PFKFB3: variants seen among roughly 807,000 people sequenced by gnomAD.
PFKFB3 encodes the protein 6-phosphofructo-2-kinase/fructose-2,6-biphosphatase 3.
PFKFB3 carries 33 observed loss-of-function variants against 68.0 expected under a neutral mutation model. The ratio of observed to expected loss-of-function variants is 0.49; its 90% CI spans 0.37 to 0.65. The LOEUF is 0.65. PFKFB3 is among the 30% of genes least tolerant of loss of function. PFKFB3 has a pLI of 0.00. For missense variants in PFKFB3, 586 were observed against 712.2 expected (o/e 0.82, Z 2.02); for synonymous variants, 315 against 288.2 (o/e 1.09, Z -0.94).
At chr10:6,315,344 T>C in the PFKFB3 span, among the ~76,000 whole-genome samples, 15 of 152,106 alleles carry the variant, frequency 9.9e-5, no homozygotes, top group Non-Finnish European at 1.9e-4. Context: ...CAAGAAGGAA[T>C]TCAGGACGAG....
chr10:6,293,772 C>A, the PFKFB3 span: 1 of 369,636 alleles, frequency 2.7e-6, no homozygotes, highest in South Asian at 2.7e-5. Flanking sequence ...GTTTGAGCAC[C>A]TTGTGCACTT....
At chr10:6,287,711 G>A in the PFKFB3 span, among the ~76,000 whole-genome samples, 1 of 152,044 alleles carries the variant, frequency 6.6e-6, no homozygotes, top group Non-Finnish European at 1.5e-5. Flanking sequence ...CCTCCCTCTT[G>A]TCCGTTATAT....
At chr10:6,158,717 G>A (rs118187655) in intron 1 of PFKFB3, among the ~76,000 whole-genome samples, 1,636 of 151,922 alleles carry the variant, frequency 0.011, 65 homozygotes, top group East Asian at 0.099. Context: ...AATACAAAAA[G>A]TCAGCCAGGC....
At chr10:6,206,530 C>T (rs1410435943) in intron 1 of PFKFB3, among the ~76,000 whole-genome samples, 8 of 124,512 alleles carry the variant, frequency 6.4e-5, no homozygotes, top group South Asian at 2.5e-4. Flanking sequence ...TAGGGGCGGC[C>T]GGGCAGAGGC....
chr10:6,200,667 GGGGGGGGGC>G, upstream of PFKFB3, among the ~76,000 whole-genome samples: 1 of 81,728 alleles, frequency 1.2e-5, no homozygotes, highest in African/African-American at 4.9e-5. Context: ...AGCGGGGGGG[GGGGGGGGGC>G]GGGGGGTGGT....
Position 6,210,485 on chromosome 10 carries a change from C to A in PFKFB3, c.77-3138C>A, listed in dbSNP as rs551472786. 3.5e-5 allele frequency among the ~76,000 whole-genome samples: 4 copies of A among 114,448 alleles called. 1 individual carries two copies. Among genetic ancestry groups the A allele is most frequent in the African/African-American group, 1.1e-4 (4 of 37,342 alleles). The allele number at this position is 114,448 out of a possible 152,430, so 75.1% of individuals were successfully genotyped here. A position where few individuals can be genotyped will look rare whatever the true frequency, so the allele number is the denominator to read the frequency against. On this transcript the variant is annotated intron_variant, in intron 1 of 14. Transcript: ENST00000379775. ...ACGCCATTCTCCTGCCTCAGCCTCC[C>A]GAGTAGCTGGGACTACAGGCGCCCG...
chr10:6,162,305 C>G (rs368841148), intron 1 of PFKFB3, among the ~76,000 whole-genome samples: 3 of 152,198 alleles, frequency 2.0e-5, no homozygotes, highest in African/African-American at 4.8e-5. Context: ...ATGGATTACT[C>G]TACCTTCTGG....
At chr10:6,161,747 C>T (rs1162961838) in intron 1 of PFKFB3, among the ~76,000 whole-genome samples, 1 of 152,128 alleles carries the variant, frequency 6.6e-6, no homozygotes, top group African/African-American at 2.4e-5. Context: ...ATCCTCCCAC[C>T]TCAGCCTCCC....
chr10:6,273,405 G>T, the PFKFB3 span, among the ~76,000 whole-genome samples: 1 of 152,100 alleles, frequency 6.6e-6, no homozygotes, highest in Admixed American at 6.5e-5. Flanking sequence ...CTCTTTAAGG[G>T]ATCCCCGCCG....
At chr10:6,172,233 A>G (rs1842337531) in intron 1 of PFKFB3, among the ~76,000 whole-genome samples, 1 of 152,106 alleles carries the variant, frequency 6.6e-6, no homozygotes, top group African/African-American at 2.4e-5. Flanking sequence ...CCACGTCGGG[A>G]GGGCAAGGTG....
the PFKFB3 span, among the ~76,000 whole-genome samples, chr10:6,321,914 A>G: frequency 6.6e-6 from 1 of 152,186 alleles, no homozygotes; most frequent in Non-Finnish European, 1.5e-5. Context: ...TTCTAAACAG[A>G]CATTCCCAGG....
chr10:6,159,159 C>T (rs548046527), intron 1 of PFKFB3, among the ~76,000 whole-genome samples: 12 of 152,206 alleles, frequency 7.9e-5, no homozygotes, highest in African/African-American at 1.4e-4. Context: ...CTTTGAGAGA[C>T]GGAGGTAGGC....
At chr10:6,211,486 T>C (rs1588489632) in intron 1 of PFKFB3, among the ~76,000 whole-genome samples, 1 of 152,130 alleles carries the variant, frequency 6.6e-6, no homozygotes, top group Admixed American at 6.6e-5. Flanking sequence ...AGTGGATGGG[T>C]ATTGTTTCCA....
chr10:6,231,167 A>T (rs915626049), intron 14 of PFKFB3: 1 of 929,196 alleles, frequency 1.1e-6, no homozygotes, highest in Non-Finnish European at 1.7e-6. Flanking sequence ...TTCATTTTTA[A>T]AATTTCAAAT....
chr10:6,215,455 G>GGGGCTGCA lies in PFKFB3; in HGVS notation c.299+140_299+141insGCTGCAGG, dbSNP rs201939832. On this transcript the variant is annotated intron_variant, in intron 3 of 14. Transcript: ENST00000379775. This position sits in a 1 kb window ranked among gnomAD's most constrained non-coding sequence, Gnocchi z 4.3. ...GAATAAGGCTGGGCTGCGGGGCTGCGGGTGTAAGGCTGGGCTGCGGGCTTG... is the reference window on the plus strand; with the variant it reads ...GAATAAGGCTGGGCTGCGGGGCTGCGGGGCTGCAGGTGTAAGGCTGGGCTGCGGGCTTG... The GGGGCTGCA allele has an allele frequency of 2.9e-6, 2 of 698,198 alleles. No homozygotes were observed. The highest frequency in any genetic ancestry group is 4.2e-5 in the Admixed American group (2 of 47,324). 43.3% of individuals were successfully genotyped at this position (698,198 alleles called of 1,614,324 possible).
At chr10:6,237,697 C>T (rs570957229), downstream of PFKFB3, among the ~76,000 whole-genome samples, 353 of 152,276 alleles carry the variant, frequency 2.3e-3, 2 homozygotes, top group African/African-American at 7.9e-3. Context: ...TCCCGAGTAG[C>T]TGGGACTACA....
Position 6,223,961 on chromosome 10 carries a change from A to C in PFKFB3, c.1217A>C (p.Glu406Ala). The C allele has an allele frequency of 6.2e-7, 1 of 1,613,776 alleles. No homozygotes were observed. The highest frequency in any genetic ancestry group is 1.7e-5 in the Admixed American group (1 of 60,022). ...GGGTGTACAATTTCAATTTCAGAGG[A>C]GATGCCCTACCTGAAATGCCCTCTT... ...LAYFLDKSAEEMPYLKCPLHT... is the reference protein window; with the variant it reads ...LAYFLDKSAEAMPYLKCPLHT... The change falls in exon 12 of 15, where the codon GAG (glutamate) becomes GCG (alanine). Residue 406 changes from glutamate to alanine, a missense_variant. Coordinates refer to ENST00000379775, the MANE Select transcript of PFKFB3 (RefSeq NM_004566.4).
chr10:6,162,644 C>T (rs117962896), intron 1 of PFKFB3, among the ~76,000 whole-genome samples: 1,651 of 152,268 alleles, frequency 0.011, 68 homozygotes, highest in East Asian at 0.1. Flanking sequence ...AAAATTATGA[C>T]TGCATGTGTT....
chr10:6,171,375 C>A (rs180767256), intron 1 of PFKFB3, among the ~76,000 whole-genome samples: 111 of 151,820 alleles, frequency 7.3e-4, no homozygotes, highest in African/African-American at 2.5e-3. Context: ...ATTTTTAACT[C>A]ATCTTTTAAA....
Sources: allele counts gnomAD v4.1 joint callset (sites outside exome capture counted in the v4.1 genomes callset), GRCh38; gene constraint gnomAD v4.1.1; non-coding constraint Gnocchi (gnomAD v3.1); transcripts MANE v1.5; gene names NCBI Gene and HGNC (gene_info 2026-07-23, HGNC 2026-07-21).